TUBB8B: variants seen among roughly 807,000 people sequenced by gnomAD.
TUBB8B encodes the protein tubulin beta 8B.
Under a neutral mutation model 31.9 loss-of-function variants are expected in TUBB8B, and 26 were observed. The observed-to-expected ratio is 0.81, with a 90% CI of 0.60 to 1.13. The LOEUF (loss-of-function observed/expected upper bound fraction) is 1.13, where lower values mean the gene tolerates loss of function less well. TUBB8B is among the 50% of genes most tolerant of loss of function. The probability of loss-of-function intolerance (pLI) is 0.00; values close to 1 mark genes in which losing one functional copy is unlikely to be tolerated. For missense variants in TUBB8B, 467 were observed against 586.7 expected (o/e 0.80, Z 2.11); for synonymous variants, 173 against 231.0 (o/e 0.75, Z 2.28).
the TUBB8B span, among the ~76,000 whole-genome samples, chr18:63,223 C>A: frequency 4.6e-5 from 7 of 151,724 alleles, no homozygotes; most frequent in Non-Finnish European, 7.4e-5. Context: ...TTGAAGAGTT[C>A]AGTCTTTATT....
chr18:55,475 A>T, the TUBB8B span, among the ~76,000 whole-genome samples: 1 of 151,850 alleles, frequency 6.6e-6, no homozygotes, highest in African/African-American at 2.4e-5. Flanking sequence ...CAGGAAACTT[A>T]CAATCATGGC....
At position 49,126 on chromosome 18, in the gene TUBB8B, C is replaced by T. The variant is rs1347068208; in HGVS notation, c.166+3G>A. On this transcript the variant is annotated splice_donor_region_variant and intron_variant, in intron 2 of 3. Coordinates refer to ENST00000308911, the MANE Select transcript of TUBB8B (RefSeq NM_001358689.2). Reference sequence around the variant, plus strand: ...GGCGGTGGGAGAAGGACGGGGGTCGCACCGCTGGCCTCGTGGTGGTGCACG... The same window carrying T: ...GGCGGTGGGAGAAGGACGGGGGTCGTACCGCTGGCCTCGTGGTGGTGCACG... 3 of 1,501,534 alleles carry T rather than the reference C, an allele frequency of 2.0e-6. No individual in the cohort carries two copies. Among genetic ancestry groups the T allele is most frequent in the Admixed American group, 3.5e-5 (2 of 57,344 alleles). 93.0% of individuals were successfully genotyped at this position (1,501,534 alleles called of 1,614,324 possible).
chr18:47,456 C>T lies in TUBB8B; in HGVS notation c.1269G>A (p.Gln423=). Reference sequence around the variant, plus strand: ...CCTCGGCCGTGGCATCCTGATATTGCTGATATTCAGACACCAGGTCGTTCA... The same window carrying T: ...CCTCGGCCGTGGCATCCTGATATTGTTGATATTCAGACACCAGGTCGTTCA... ...SNMNDLVSEY[Q]QYQDATAEEE... The change falls in exon 4 of 4, where the codon CAG becomes CAA. Residue 423 remains glutamine, a synonymous_variant. Transcript: ENST00000308911. 2.1e-6 allele frequency: 3 copies of T among 1,448,704 alleles called. No individual in the cohort carries two copies. The highest frequency in any genetic ancestry group is 2.9e-6 in the Non-Finnish European group (3 of 1,038,236). The allele number at this position is 1,448,704 out of a possible 1,614,324, so 89.7% of individuals were successfully genotyped here.
At chr18:58,984 A>G in the TUBB8B span, among the ~76,000 whole-genome samples, 28,915 of 151,352 alleles carry the variant, frequency 0.19, 3,511 homozygotes, top group African/African-American at 0.3. Context: ...ACAGAGGGGC[A>G]AGTTGTTACA....
At chr18:64,823 G>A in the TUBB8B span, among the ~76,000 whole-genome samples, 9 of 151,972 alleles carry the variant, frequency 5.9e-5, no homozygotes, top group Non-Finnish European at 1.0e-4. Flanking sequence ...ACTCTTCCCC[G>A]CAATTCCTCA....
At position 47,519 on chromosome 18, in the gene TUBB8B, G is replaced by A. The variant is rs1300961804; in HGVS notation, c.1206C>T (p.Gly402=). 3.1e-6 allele frequency: 5 copies of A among 1,597,432 alleles called. No homozygotes were observed. The highest frequency in any genetic ancestry group is 4.3e-6 in the Non-Finnish European group (5 of 1,166,826). ...CCTCGGTGAATTCCATCTCATCCATGCCCTCGCCCGTGTACCAGTGGAGGA... is the reference window on the plus strand; with the variant it reads ...CCTCGGTGAATTCCATCTCATCCATACCCTCGCCCGTGTACCAGTGGAGGA... The part of the protein sequence containing the change: ...KAFLHWYTGE[G]MDEMEFTEAE... The change falls in exon 4 of 4, where the codon GGC becomes GGT. Residue 402 remains glycine (G), a synonymous_variant. Coordinates refer to ENST00000308911, the MANE Select transcript of TUBB8B (RefSeq NM_001358689.2).
chr18:71,749 G>C, the TUBB8B span, among the ~76,000 whole-genome samples: 1 of 151,310 alleles, frequency 6.6e-6, no homozygotes, highest in South Asian at 2.1e-4. Context: ...CCGGTGTGGT[G>C]ATGCAAGCCT....
chr18:66,100 A>G, the TUBB8B span, among the ~76,000 whole-genome samples: 3 of 152,142 alleles, frequency 2.0e-5, no homozygotes, highest in East Asian at 3.9e-4. Context: ...GTGATGGTGC[A>G]TATCTGTAGT....
At chr18:69,136 A>G in the TUBB8B span, among the ~76,000 whole-genome samples, 1 of 152,238 alleles carries the variant, frequency 6.6e-6, no homozygotes, top group Non-Finnish European at 1.5e-5. Context: ...TAATTAGGAA[A>G]GAAAAACAAA....
the TUBB8B span, among the ~76,000 whole-genome samples, chr18:56,070 C>T: frequency 1.3e-5 from 2 of 151,750 alleles, no homozygotes; most frequent in African/African-American, 2.4e-5. Flanking sequence ...GTTTTCCCAG[C>T]CCTATTTATT....
At chr18:63,184 A>G in the TUBB8B span, among the ~76,000 whole-genome samples, 1 of 151,584 alleles carries the variant, frequency 6.6e-6, no homozygotes, top group African/African-American at 2.4e-5. Context: ...TGGCCTTGAT[A>G]CTTGTAGATG....
In TUBB8B at chr18:47,721, T is replaced by TC. The variant is rs1905704724; in HGVS notation, c.1003dup (p.Asp335GlyfsTer2). 6.2e-7 allele frequency: 1 copy of TC among 1,611,226 alleles called. No homozygotes were observed. The highest frequency in any genetic ancestry group is 1.1e-5 in the South Asian group (1 of 90,990). On this transcript the variant is annotated frameshift_variant, in exon 4 of 4. Coordinates refer to ENST00000308911, the MANE Select transcript of TUBB8B (RefSeq NM_001358689.2). LOFTEE classifies it high-confidence loss of function. ...GTCAGCAAAGTAGCTGCTGTTCTTA[T>TC]CTTGAATGTTGAACATTTGTTCATC...
upstream of TUBB8B, chr18:50,075 G>C (rs796609177): frequency 5.7e-6 from 2 of 352,300 alleles, no homozygotes; most frequent in South Asian, 4.2e-5. Flanking sequence ...AGTAAGCTAT[G>C]GGTGTTGGAG....
chr18:66,210 C>T, the TUBB8B span, among the ~76,000 whole-genome samples: 2 of 152,156 alleles, frequency 1.3e-5, no homozygotes, highest in Admixed American at 1.3e-4. Context: ...ACCTGACCAA[C>T]AGGGCAAAAC....
upstream of TUBB8B, chr18:50,206 T>C (rs553043875): frequency 3.8e-3 from 949 of 253,030 alleles, 14 homozygotes; most frequent in Non-Finnish European, 3.4e-3. Context: ...AAGCTGAGGA[T>C]AGGTGTTGGG....
chr18:68,980 G>T, the TUBB8B span, among the ~76,000 whole-genome samples: 7 of 152,192 alleles, frequency 4.6e-5, no homozygotes, highest in East Asian at 1.2e-3. Flanking sequence ...AGTCACTGCA[G>T]GTGTGGTATC....
rs1413050853 is a variant in TUBB8B at position 49,431 on chromosome 18, C to T, written c.57+70G>A. On this transcript the variant is annotated intron_variant, in intron 1 of 3. Coordinates refer to ENST00000308911, the MANE Select transcript of TUBB8B (RefSeq NM_001358689.2). ...GGCCGCAATGCAGGGGCACCGCTCC[C>T]GCCACTGCCAACATCTTCCCCAGCC... 2.2e-5 allele frequency: 20 copies of T among 915,530 alleles called. 1 individual carries two copies. The highest frequency in any genetic ancestry group is 1.5e-4 in the Admixed American group (7 of 47,416). 56.7% of individuals were successfully genotyped at this position (915,530 alleles called of 1,614,324 possible).
chr18:49,426 G>A (rs1600577546), intron 1 of TUBB8B, 75 bp downstream of exon 1: 11 of 903,572 alleles, frequency 1.2e-5, no homozygotes, highest in Middle Eastern at 3.3e-4. Flanking sequence ...CAGGGGCACC[G>A]CTCCCGCCAC....
the TUBB8B span, among the ~76,000 whole-genome samples, chr18:67,618 G>A: frequency 6.6e-6 from 1 of 152,086 alleles, no homozygotes; most frequent in South Asian, 2.1e-4. Context: ...TTACTGTGAT[G>A]GTTAATTTTA....
Sources: gnomAD v4.1 joint callset for allele counts (sites outside exome capture counted in the v4.1 genomes callset) on GRCh38, gnomAD v4.1.1 for gene constraint, MANE v1.5 for transcripts, NCBI Gene and HGNC (gene_info 2026-07-23, HGNC 2026-07-21) for gene names.